Variants in MAGI1 observed in about 807,000 individuals in gnomAD.
MAGI1 encodes the protein membrane associated guanylate kinase, WW and PDZ domain containing 1, also known as membrane-associated guanylate kinase, WW and PDZ domain-containing protein 1.
A neutral mutation model predicts 139.9 loss-of-function variants in MAGI1; 58 were observed. That is an observed-to-expected ratio of 0.41 (90% CI 0.34 to 0.52). The LOEUF is 0.52. Ranked by LOEUF, MAGI1 falls within the 20% of genes least tolerant of loss-of-function variation. The probability of loss-of-function intolerance (pLI) is 0.12; values close to 1 mark genes in which losing one functional copy is unlikely to be tolerated. For synonymous variants in MAGI1, 812 were observed against 737.9 expected (o/e 1.10, Z -1.63); for missense variants, 1,874 against 1,901.6 (o/e 0.99, Z 0.27).
intron 5 of MAGI1, among the ~76,000 whole-genome samples, chr3:65,468,343 G>GC (rs1950305779): frequency 6.8e-6 from 1 of 147,278 alleles, no homozygotes; most frequent in African/African-American, 2.5e-5. Flanking sequence ...AACTCTTCCC[G>GC]GGTAGATTCT....
intron 1 of MAGI1, among the ~76,000 whole-genome samples, chr3:65,981,471 C>T (rs1385526159): frequency 6.6e-6 from 1 of 152,166 alleles, no homozygotes; most frequent in African/African-American, 2.4e-5. Flanking sequence ...AACAACTTGC[C>T]TTCAGTTTCA....
At chr3:65,792,602 C>A (rs886629371) in intron 1 of MAGI1, among the ~76,000 whole-genome samples, 13 of 151,748 alleles carry the variant, frequency 8.6e-5, no homozygotes, top group Non-Finnish European at 1.6e-4. Context: ...ATAAGGATTC[C>A]TTGAACATAA....
chr3:65,511,686 A>T (rs2077603261), intron 2 of MAGI1, among the ~76,000 whole-genome samples: 1 of 148,956 alleles, frequency 6.7e-6, no homozygotes, highest in Admixed American at 6.8e-5. Flanking sequence ...AGAGACTTAG[A>T]CTCCCACATA....
chr3:65,663,401 C>T (rs1055303352), intron 1 of MAGI1, among the ~76,000 whole-genome samples: 1 of 152,170 alleles, frequency 6.6e-6, no homozygotes, highest in Non-Finnish European at 1.5e-5. Flanking sequence ...AGTCCACAGA[C>T]CACACTTTGG....
At chr3:65,706,205 G>T (rs1189108037) in intron 1 of MAGI1, among the ~76,000 whole-genome samples, 1 of 152,176 alleles carries the variant, frequency 6.6e-6, no homozygotes, top group African/African-American at 2.4e-5. Flanking sequence ...TTGCAAATGG[G>T]ATTTAAAACA....
intron 1 of MAGI1, among the ~76,000 whole-genome samples, chr3:65,793,843 C>A (rs2039947602): frequency 6.6e-6 from 1 of 152,214 alleles, no homozygotes; most frequent in Non-Finnish European, 1.5e-5. Flanking sequence ...GCACCAACAT[C>A]ATATAGACAA....
At position 65,941,686 on chromosome 3, in the gene MAGI1, G is replaced by A. The variant is rs75914511; in HGVS notation, c.313+96310C>T. 4.0e-3 allele frequency among the ~76,000 whole-genome samples: 596 copies of A among 148,686 alleles called. 1 individual carries two copies. Among genetic ancestry groups the A allele is most frequent in the African/African-American group, 0.014 (556 of 40,296 alleles). On this transcript the variant is annotated intron_variant, in intron 1 of 22. Transcript: ENST00000402939. ...CCCAACTTTAAAGTCTAAAGCTCTTGAGTTTGGCTTCTCTCATAAATGAAG... is the reference window on the plus strand; with the variant it reads ...CCCAACTTTAAAGTCTAAAGCTCTTAAGTTTGGCTTCTCTCATAAATGAAG...
At chr3:65,474,287 A>T (rs1950730811) in intron 4 of MAGI1, among the ~76,000 whole-genome samples, 1 of 152,106 alleles carries the variant, frequency 6.6e-6, no homozygotes, top group Admixed American at 6.5e-5. Context: ...AAAACCTTTC[A>T]TTTAATTTAC....
chr3:65,472,894 T>C (rs749580709), intron 4 of MAGI1, among the ~76,000 whole-genome samples: 8 of 152,208 alleles, frequency 5.3e-5, no homozygotes, highest in African/African-American at 1.2e-4. Flanking sequence ...TAATGCAGTA[T>C]GACATCAGTG....
At chr3:65,382,870 GC>G (rs1943164911) in intron 15 of MAGI1, among the ~76,000 whole-genome samples, 2 of 152,160 alleles carry the variant, frequency 1.3e-5, no homozygotes, top group Admixed American at 1.3e-4. Context: ...TATGTTAAGA[GC>G]CTTTAGCACA....
intron 1 of MAGI1, among the ~76,000 whole-genome samples, chr3:65,711,933 T>A (rs2031491005): frequency 6.6e-6 from 1 of 152,182 alleles, no homozygotes; most frequent in Non-Finnish European, 1.5e-5. Context: ...TCTGATCATA[T>A]CTCCTTCAGA....
At chr3:65,646,984 A>T (rs1426245872) in intron 1 of MAGI1, among the ~76,000 whole-genome samples, 1 of 152,150 alleles carries the variant, frequency 6.6e-6, no homozygotes, top group Non-Finnish European at 1.5e-5. Flanking sequence ...CAAAAACAAG[A>T]ACAAAATAAA....
intron 5 of MAGI1, among the ~76,000 whole-genome samples, chr3:65,460,507 T>C (rs115203741): frequency 0.016 from 2,505 of 152,210 alleles, 60 homozygotes; most frequent in African/African-American, 0.056. Flanking sequence ...TGACTCCTCA[T>C]TTAAGCCTGG....
At chr3:65,499,100 A>C in intron 2 of MAGI1, 1 of 885,056 alleles carries the variant, frequency 1.1e-6, no homozygotes, top group Non-Finnish European at 1.4e-6. Context: ...GCTTTGAAAA[A>C]CTATCTAGTC....
chr3:65,882,925 A>C (rs1429617689), intron 1 of MAGI1, among the ~76,000 whole-genome samples: 3 of 138,024 alleles, frequency 2.2e-5, no homozygotes, highest in Admixed American at 7.2e-5. Context: ...ACAGAGCAAG[A>C]CCCTGTCTCA....
chr3:65,921,815 A>T (rs9833873), intron 1 of MAGI1, among the ~76,000 whole-genome samples: 66,640 of 150,962 alleles, frequency 0.44, 15,492 homozygotes, highest in East Asian at 0.74. Flanking sequence ...TCAGGAAAGA[A>T]AGTTAGCCTG....
chr3:65,811,505 CTCATGCTTGGCAAA>C (rs1316192718), intron 1 of MAGI1, among the ~76,000 whole-genome samples: 6 of 152,148 alleles, frequency 3.9e-5, no homozygotes, highest in African/African-American at 1.4e-4. Context: ...AGTCACCTGA[CTCATGCTTGGCAAA>C]GCAGAGTCTC....
Position 65,957,536 on chromosome 3 carries a change from A to G in MAGI1, c.313+80460T>C, listed in dbSNP as rs574201075. Among the ~76,000 whole-genome samples, 378 of 32,414 alleles carry G rather than the reference A, an allele frequency of 0.012. 7 individuals are homozygous for G. In the East Asian group the frequency reaches 0.16, roughly 13 times the overall value. The allele number at this position is 32,414 out of a possible 152,430, so 21.3% of individuals were successfully genotyped here. A position where few individuals can be genotyped will look rare whatever the true frequency, so the allele number is the denominator to read the frequency against. ...ACTTCATCTCAAAAAAAAAAAAAAGAAAAAGAAAAGAAAAAGGAATGAACT... is the reference window on the plus strand; with the variant it reads ...ACTTCATCTCAAAAAAAAAAAAAAGGAAAAGAAAAGAAAAAGGAATGAACT... On this transcript the variant is annotated intron_variant, in intron 1 of 22. Transcript: ENST00000402939.
chr3:65,869,584 T>C (rs1339876508), intron 1 of MAGI1, among the ~76,000 whole-genome samples: 3 of 151,866 alleles, frequency 2.0e-5, no homozygotes, highest in African/African-American at 7.3e-5. Context: ...GTATTTTTAG[T>C]AGAGACAGGG....
Sources: allele counts gnomAD v4.1 joint callset (sites outside exome capture counted in the v4.1 genomes callset), GRCh38; gene constraint gnomAD v4.1.1; transcripts MANE v1.5; gene names NCBI Gene and HGNC (gene_info 2026-07-23, HGNC 2026-07-21).